The following TBX1 variants were observed in gnomAD, a reference collection of about 807,000 sequenced individuals.
TBX1 encodes the protein T-box transcription factor TBX1.
In TBX1, 16 loss-of-function variants were observed where a neutral mutation model predicts 40.8. That is an observed-to-expected ratio of 0.39 (90% CI 0.27 to 0.60). The LOEUF (loss-of-function observed/expected upper bound fraction) is 0.60. TBX1 is among the 20% of genes least tolerant of loss of function. The pLI is 0.51. For missense variants in TBX1, 755 were observed against 728.5 expected (o/e 1.04, Z -0.42); for synonymous variants, 403 against 336.8 (o/e 1.20, Z -2.15).
intron 8 of TBX1, chr22:19,779,199 T>C (rs368883858): frequency 8.1e-6 from 13 of 1,612,840 alleles, no homozygotes; most frequent in Admixed American, 1.7e-5. Context: ...TCCACTCTCA[T>C]TGGATGGGGT....
At chr22:19,757,161 C>T (rs566965581), upstream of TBX1, among the ~76,000 whole-genome samples, 10 of 152,202 alleles carry the variant, frequency 6.6e-5, no homozygotes, top group East Asian at 1.5e-3. Flanking sequence ...GGGGTAGGGT[C>T]GGCCAACAGA....
upstream of TBX1, among the ~76,000 whole-genome samples, chr22:19,757,258 T>G (rs569274781): frequency 2.6e-5 from 4 of 152,238 alleles, no homozygotes; most frequent in African/African-American, 9.6e-5. Flanking sequence ...TTCTCTGCTG[T>G]GGCAAGCTGG....
chr22:19,776,878 G>T (rs577175637), intron 8 of TBX1, among the ~76,000 whole-genome samples: 11 of 152,064 alleles, frequency 7.2e-5, no homozygotes, highest in Admixed American at 1.3e-4. Flanking sequence ...GCCGTGCCGC[G>T]TGGCTCTGTT....
At chr22:19,763,482 C>A in intron 2 of TBX1, 140 bp downstream of exon 2, 1 of 718,572 alleles carries the variant, frequency 1.4e-6, no homozygotes, top group Non-Finnish European at 2.4e-6. Context: ...TCAACCCGCT[C>A]CCTCCTCCAC....
chr22:19,769,264 C>G (rs899620409), downstream of TBX1, among the ~76,000 whole-genome samples: 1 of 152,170 alleles, frequency 6.6e-6, no homozygotes, highest in Non-Finnish European at 1.5e-5. Flanking sequence ...CTCGGCCACA[C>G]GTCCTAATGA....
intron 8 of TBX1, among the ~76,000 whole-genome samples, chr22:19,774,112 G>A (rs1937030418): frequency 1.3e-5 from 2 of 152,226 alleles, no homozygotes; most frequent in African/African-American, 2.4e-5. Context: ...ACGTGTTGGT[G>A]AGGACATGGA....
chr22:19,764,878 C>G, intron 3 of TBX1, 80 bp from the exon 4 acceptor site: 1 of 1,565,552 alleles, frequency 6.4e-7, no homozygotes, highest in Non-Finnish European at 8.8e-7. Context: ...CAACTCAGAC[C>G]TCAGCCCATT....
At chr22:19,758,266 G>C (rs1202077713), upstream of TBX1, among the ~76,000 whole-genome samples, 1 of 152,190 alleles carries the variant, frequency 6.6e-6, no homozygotes, top group Non-Finnish European at 1.5e-5. Flanking sequence ...TATACAGAGA[G>C]GCCTTGCAAA....
chr22:19,766,940 A>C lies in TBX1; in HGVS notation c.*73A>C. On this transcript the variant is annotated 3_prime_UTR_variant, in exon 7 of 7. Coordinates refer to ENST00000649276, the MANE Select transcript of TBX1 (RefSeq NM_001379200.1). ...TCGCCGGGCCCGGCCACCCTGCCCCAAGGGCAAGCAAGGAATACGTTCCCC... is the reference window on the plus strand; with the variant it reads ...TCGCCGGGCCCGGCCACCCTGCCCCCAGGGCAAGCAAGGAATACGTTCCCC... 6.5e-7 allele frequency: 1 copy of C among 1,542,296 alleles called. No individual in the cohort carries two copies. Among genetic ancestry groups the C allele is most frequent in the Non-Finnish European group, 8.7e-7 (1 of 1,154,012 alleles).
downstream of TBX1, chr22:19,782,858 C>G (rs1937154925): frequency 5.6e-6 from 9 of 1,613,628 alleles, no homozygotes; most frequent in Admixed American, 1.5e-4. Context: ...GCCACAAACA[C>G]TTTGACCTTC....
rs900936631 is a variant in TBX1, at chr22:19,766,028, G to A, written c.1036+26G>A. The stretch of plus-strand genomic sequence containing the variant: ...GTAGGGCCGGGGTCGTGGGATCCGG[G>A]TTCCGGCCCTGTGCGCGCTCTACCC... On this transcript the variant is annotated intron_variant, in intron 6 of 6. Transcript: ENST00000649276. The A allele has an allele frequency of 7.5e-6, 11 of 1,472,730 alleles. No individual in the cohort carries two copies. In the African/African-American group the frequency reaches 1.5e-4, roughly 20 times the overall value. 91.2% of individuals were successfully genotyped at this position (1,472,730 alleles called of 1,614,324 possible). A position where few individuals can be genotyped will look rare whatever the true frequency, so the allele number is the denominator to read the frequency against.
chr22:19,762,001 C>T (rs1227066272), intron 1 of TBX1, among the ~76,000 whole-genome samples: 2 of 152,370 alleles, frequency 1.3e-5, no homozygotes, highest in South Asian at 2.1e-4. Context: ...GTCTAATGTA[C>T]ACACCAGCTC....
chr22:19,766,318 G>A, intron 6 of TBX1, 71 bp from the exon 7 acceptor site: 1 of 1,224,976 alleles, frequency 8.2e-7, no homozygotes, highest in Non-Finnish European at 1.0e-6. Context: ...CTCCGCCAGG[G>A]CCTCGCATGG....
At chr22:19,772,264 G>A (rs1342702777), downstream of TBX1, among the ~76,000 whole-genome samples, 3 of 151,016 alleles carry the variant, frequency 2.0e-5, no homozygotes, top group African/African-American at 2.4e-5. Flanking sequence ...CACCACGCCC[G>A]GCTAATTTTT....
rs553424250 is a variant in TBX1 at position 19,767,291 on chromosome 22, C to G, written c.*424C>G. 1 of 995,638 alleles carries G rather than the reference C, an allele frequency of 1.0e-6. No homozygotes were observed. The highest frequency in any genetic ancestry group is 1.2e-6 in the Non-Finnish European group (1 of 836,828). 61.7% of individuals were successfully genotyped at this position (995,638 alleles called of 1,614,324 possible). A position where few individuals can be genotyped will look rare whatever the true frequency, so the allele number is the denominator to read the frequency against. The stretch of plus-strand genomic sequence containing the variant: ...GTAGATACTGTAGATACTGTAGATA[C>G]CGCCCCGGCGCCGACTTGATAAACG... On this transcript the variant is annotated 3_prime_UTR_variant, in exon 7 of 7. Coordinates refer to ENST00000649276, the MANE Select transcript of TBX1 (RefSeq NM_001379200.1).
chr22:19,776,978 G>C (rs1937075008), intron 8 of TBX1, among the ~76,000 whole-genome samples: 2 of 152,182 alleles, frequency 1.3e-5, no homozygotes, highest in African/African-American at 4.8e-5. Flanking sequence ...GGTGGGAGGA[G>C]CTTCCTGGGT....
chr22:19,764,386 G>T (rs950624468), intron 3 of TBX1, 60 bp downstream of exon 3: 2 of 1,596,664 alleles, frequency 1.3e-6, no homozygotes, highest in East Asian at 2.2e-5. Flanking sequence ...CGAGGCACCC[G>T]CCTGTCCCTA....
At chr22:19,769,528 GGCGCACGCC>G (rs1204641672), downstream of TBX1, among the ~76,000 whole-genome samples, 4 of 152,234 alleles carry the variant, frequency 2.6e-5, no homozygotes, top group African/African-American at 9.6e-5. Flanking sequence ...CTGCAAGACT[GGCGCACGCC>G]GCTGCTCACC....
upstream of TBX1, among the ~76,000 whole-genome samples, chr22:19,757,805 C>T (rs998187074): frequency 6.6e-6 from 1 of 152,210 alleles, no homozygotes; most frequent in African/African-American, 2.4e-5. Flanking sequence ...GGACTTGTCC[C>T]TGGGTCCCCT....
Sources: allele counts gnomAD v4.1 joint callset (sites outside exome capture counted in the v4.1 genomes callset), GRCh38; gene constraint gnomAD v4.1.1; transcripts MANE v1.5; gene names NCBI Gene and HGNC (gene_info 2026-07-23, HGNC 2026-07-21).